Variants in CACNA2D3 observed in about 807,000 individuals in gnomAD.
CACNA2D3 encodes the protein calcium voltage-gated channel auxiliary subunit alpha2delta 3.
In CACNA2D3, 60 loss-of-function variants were observed where a neutral mutation model predicts 160.6. The observed-to-expected ratio is 0.37, with a 90% CI of 0.30 to 0.46. The LOEUF (loss-of-function observed/expected upper bound fraction) is 0.46, where lower values mean the gene tolerates loss of function less well. CACNA2D3 is among the 20% of genes least tolerant of loss of function. The probability of loss-of-function intolerance (pLI) is 1.00; values close to 1 mark genes in which losing one functional copy is unlikely to be tolerated. For synonymous variants in CACNA2D3, 558 were observed against 492.9 expected, an observed-to-expected ratio of 1.13 and a Z score of -1.75; for missense variants, 1,205 against 1,365.0, an observed-to-expected ratio of 0.88 and a Z score of 1.85.
chr3:54,928,159 T>C (rs1374277449), intron 27 of CACNA2D3: 26 of 519,576 alleles, frequency 5.0e-5, no homozygotes, highest in Non-Finnish European at 8.8e-5. Context: ...ATCGTGCCCC[T>C]CTTCTTTCTT....
chr3:54,435,413 T>G (rs1370739022), intron 4 of CACNA2D3, among the ~76,000 whole-genome samples: 2 of 152,148 alleles, frequency 1.3e-5, no homozygotes, highest in East Asian at 3.9e-4. Context: ...GCAACTCAGG[T>G]GATGTGAATT....
intron 17 of CACNA2D3, among the ~76,000 whole-genome samples, chr3:54,852,854 A>C (rs1699088283): frequency 6.6e-6 from 1 of 152,202 alleles, no homozygotes; most frequent in Admixed American, 6.5e-5. Flanking sequence ...AGGGTTTAAA[A>C]AGGTAGGAGC....
chr3:54,849,194 A>G (rs377152401), intron 17 of CACNA2D3, among the ~76,000 whole-genome samples: 19 of 152,320 alleles, frequency 1.2e-4, no homozygotes, highest in African/African-American at 4.6e-4. Context: ...TAGAGGTTCT[A>G]TGTGAGTCCT....
chr3:54,138,597 G>A (rs952715488), intron 2 of CACNA2D3, among the ~76,000 whole-genome samples: 1 of 152,206 alleles, frequency 6.6e-6, no homozygotes, highest in Non-Finnish European at 1.5e-5. Context: ...AGAAATGATG[G>A]CTTGTACTTC....
At chr3:54,164,610 G>A (rs1350750411) in intron 2 of CACNA2D3, among the ~76,000 whole-genome samples, 2 of 152,158 alleles carry the variant, frequency 1.3e-5, no homozygotes, top group Non-Finnish European at 2.9e-5. Flanking sequence ...CAAGTTCAGG[G>A]TGGGAGGGTA....
intron 11 of CACNA2D3, among the ~76,000 whole-genome samples, chr3:54,687,135 G>GTTTTTTTTTTTTTTTTTTTTTTTTTT (rs1290353261): frequency 3.4e-5 from 3 of 88,894 alleles, no homozygotes; most frequent in African/African-American, 4.4e-5. Context: ...TTTTTTTTTT[G>GTTTTTTTTTTTTTTTTTTTTTTTTTT]TTTTTTTTTT....
intron 11 of CACNA2D3, among the ~76,000 whole-genome samples, chr3:54,716,951 A>G (rs1439833786): frequency 6.6e-6 from 1 of 150,862 alleles, no homozygotes; most frequent in African/African-American, 2.4e-5. Context: ...ATGTTAAATC[A>G]TAGCGTCAAG....
At chr3:54,543,864 T>C (rs964693261) in intron 5 of CACNA2D3, among the ~76,000 whole-genome samples, 1 of 152,260 alleles carries the variant, frequency 6.6e-6, no homozygotes, top group Non-Finnish European at 1.5e-5. Flanking sequence ...GTTATATATT[T>C]CCATGTTGTT....
intron 27 of CACNA2D3, among the ~76,000 whole-genome samples, chr3:54,955,066 G>A (rs994098959): frequency 1.3e-5 from 2 of 152,264 alleles, no homozygotes; most frequent in South Asian, 4.2e-4. Flanking sequence ...ACAAAAGACC[G>A]ATTAGTAGGA....
chr3:55,056,468 G>T (rs939725685), intron 35 of CACNA2D3, among the ~76,000 whole-genome samples: 2 of 152,118 alleles, frequency 1.3e-5, no homozygotes, highest in African/African-American at 4.8e-5. Flanking sequence ...TTACCCAAAA[G>T]ATTTGAAATC....
Position 54,570,014 on chromosome 3 carries a change from C to A in CACNA2D3, c.798C>A (p.Ser266Arg). 1 of 1,614,006 alleles carries A rather than the reference C, an allele frequency of 6.2e-7. No individual in the cohort carries two copies. The highest frequency in any genetic ancestry group is 8.5e-7 in the Non-Finnish European group (1 of 1,179,864). ...TCATTTTAGTTGACGTCAGTGGCAGCATGAAAGGACTCCGTCTGACTATCG... is the reference window on the plus strand; with the variant it reads ...TCATTTTAGTTGACGTCAGTGGCAGAATGAAAGGACTCCGTCTGACTATCG... ...DVVILVDVSGSMKGLRLTIAK... is the reference protein window; with the variant it reads ...DVVILVDVSGRMKGLRLTIAK... The change falls in exon 8 of 38, where the codon AGC becomes AGA. Residue 266 changes from serine to arginine, a missense_variant. Ser to Arg is a moderately radical substitution (Grantham distance 110). Coordinates refer to ENST00000474759, the MANE Select transcript of CACNA2D3 (RefSeq NM_018398.3).
chr3:54,235,627 A>C (rs1354834200), intron 2 of CACNA2D3, among the ~76,000 whole-genome samples: 3 of 152,204 alleles, frequency 2.0e-5, no homozygotes, highest in Non-Finnish European at 2.9e-5. Context: ...ATAATTCGAC[A>C]TGAGATTTGG....
At chr3:54,769,990 A>G (rs533794618) in intron 13 of CACNA2D3, among the ~76,000 whole-genome samples, 3 of 152,274 alleles carry the variant, frequency 2.0e-5, no homozygotes, top group South Asian at 4.1e-4. Flanking sequence ...TTTCACCCCA[A>G]CACCCTTACT....
chr3:54,729,532 G>T (rs1175843976), intron 11 of CACNA2D3, among the ~76,000 whole-genome samples: 1 of 152,132 alleles, frequency 6.6e-6, no homozygotes, highest in African/African-American at 2.4e-5. Flanking sequence ...ACAGTCATTG[G>T]GTGGTGGCAG....
chr3:54,847,772 C>T (rs1479721017), intron 17 of CACNA2D3, among the ~76,000 whole-genome samples: 1 of 152,140 alleles, frequency 6.6e-6, no homozygotes, highest in African/African-American at 2.4e-5. Flanking sequence ...ACATTTAAGT[C>T]CAAAGACATA....
At chr3:54,373,342 T>C (rs931449755) in intron 3 of CACNA2D3, among the ~76,000 whole-genome samples, 1 of 152,214 alleles carries the variant, frequency 6.6e-6, no homozygotes, top group Non-Finnish European at 1.5e-5. Context: ...TTGGTCTTAT[T>C]ACACAGGGTC....
intron 34 of CACNA2D3, among the ~76,000 whole-genome samples, chr3:55,012,073 G>A (rs1023006304): frequency 1.6e-4 from 25 of 152,212 alleles, no homozygotes; most frequent in African/African-American, 5.8e-4. Context: ...AGAGGCCGGA[G>A]CGGCTTTGGA....
chr3:55,001,564 A>G, intron 31 of CACNA2D3, among the ~76,000 whole-genome samples: 1 of 152,160 alleles, frequency 6.6e-6, no homozygotes, highest in South Asian at 2.1e-4. Context: ...TTAAAAAGAC[A>G]TTGTTGTAAG....
At chr3:54,883,556 G>C (rs532977213) in intron 21 of CACNA2D3, among the ~76,000 whole-genome samples, 10 of 152,240 alleles carry the variant, frequency 6.6e-5, no homozygotes, top group Non-Finnish European at 1.2e-4. Context: ...TCATTTATAG[G>C]TCCTGTGAAA....
Sources: gnomAD v4.1 joint callset for allele counts (sites outside exome capture counted in the v4.1 genomes callset) on GRCh38, gnomAD v4.1.1 for gene constraint, MANE v1.5 for transcripts, NCBI Gene and HGNC (gene_info 2026-07-23, HGNC 2026-07-21) for gene names.